The following RAB6A variants were observed in gnomAD, a reference collection of about 807,000 sequenced individuals.
RAB6A encodes RAB6A, member RAS oncogene family.
In RAB6A, 8 loss-of-function variants were observed where a neutral mutation model predicts 32.3. The observed-to-expected ratio is 0.25, with a 90% CI of 0.15 to 0.45. The LOEUF is 0.45. RAB6A is among the 20% of genes least tolerant of loss of function. RAB6A has a pLI of 1.00. For missense variants in RAB6A, 104 were observed against 249.4 expected, an observed-to-expected ratio of 0.42 and a Z score of 3.93; for synonymous variants, 73 against 82.1, an observed-to-expected ratio of 0.89 and a Z score of 0.60.
At chr11:73,682,020 G>A (rs1033419271) in intron 6 of RAB6A, among the ~76,000 whole-genome samples, 2 of 151,936 alleles carry the variant, frequency 1.3e-5, no homozygotes, top group Non-Finnish European at 2.9e-5. Context: ...TTTGAATTGC[G>A]GAACACTTAC....
At chr11:73,704,358 G>A in intron 6 of RAB6A, 1 of 201,336 alleles carries the variant, frequency 5.0e-6, no homozygotes, top group East Asian at 1.4e-4. Flanking sequence ...ACTCCAGCCT[G>A]GGCAACAGAG....
At chr11:73,752,966 G>C (rs188130498) in intron 1 of RAB6A, among the ~76,000 whole-genome samples, 6 of 152,322 alleles carry the variant, frequency 3.9e-5, no homozygotes, top group African/African-American at 1.4e-4. Context: ...CTAATAAAAA[G>C]TCCAAGCCAG....
At chr11:73,693,517 G>A (rs1945609384) in intron 6 of RAB6A, among the ~76,000 whole-genome samples, 1 of 150,448 alleles carries the variant, frequency 6.6e-6, no homozygotes, top group Non-Finnish European at 1.5e-5. Flanking sequence ...TGGAGTGTAG[G>A]AGTTTGAGAC....
chr11:73,755,895 G>GGAGGAGGAAGAA (rs1946743172), intron 1 of RAB6A, among the ~76,000 whole-genome samples: 1 of 151,318 alleles, frequency 6.6e-6, no homozygotes, highest in East Asian at 1.9e-4. Context: ...AGAAGGAAGA[G>GGAGGAGGAAGAA]GAGGAGGAAG....
At chr11:73,742,324 A>T (rs889207319) in intron 1 of RAB6A, among the ~76,000 whole-genome samples, 2 of 152,042 alleles carry the variant, frequency 1.3e-5, no homozygotes, top group African/African-American at 4.8e-5. Context: ...CAAAATAGAA[A>T]CAGGGTCTGG....
In RAB6A at chr11:73,716,343, T is replaced by C; in HGVS notation, c.309A>G (p.Gln103=). 4 of 1,612,722 alleles carry C rather than the reference T, an allele frequency of 2.5e-6. No homozygotes were observed. The South Asian group carries it at 3.3e-5, about 13-fold the overall frequency. Residue 103 remains glutamine (Q), a synonymous_variant, in exon 5 of 8, where the codon CAA becomes CAG. Coordinates refer to ENST00000336083, the MANE Select transcript of RAB6A (RefSeq NM_198896.2). ...YDITNVNSFQ[Q]TTKWIDDVRT... is the part of the protein sequence containing the mutation. ...TGACATCATCAATCCACTTTGTAGT[T>C]TGCTGGAATGAGTTAACATCTAGTA...
At position 73,694,947 on chromosome 11, in the gene RAB6A, T is replaced by C. The variant is rs192441566; in HGVS notation, c.495+12473A>G. On this transcript the variant is annotated intron_variant, in intron 6 of 7. Coordinates refer to ENST00000336083, the MANE Select transcript of RAB6A (RefSeq NM_198896.2). The stretch of plus-strand genomic sequence containing the variant: ...ACGAGAATCGCTTGAACCCAGGAGA[T>C]TGAGGTAACAGTGAGCTGAGATCGT... 4.9e-4 allele frequency among the ~76,000 whole-genome samples: 74 copies of C among 152,198 alleles called. 1 individual carries two copies. Among genetic ancestry groups the C allele is most frequent in the African/African-American group, 8.9e-4 (37 of 41,528 alleles).
At chr11:73,732,176 G>T (rs1461131962) in intron 1 of RAB6A, among the ~76,000 whole-genome samples, 1 of 152,048 alleles carries the variant, frequency 6.6e-6, no homozygotes, top group Non-Finnish European at 1.5e-5. Flanking sequence ...TTTGCCAGTG[G>T]CTTGACACAG....
chr11:73,679,970 C>T (rs968834641), intron 6 of RAB6A, among the ~76,000 whole-genome samples: 3 of 152,072 alleles, frequency 2.0e-5, no homozygotes, highest in Admixed American at 6.5e-5. Flanking sequence ...TGGTGGCACA[C>T]GCCTATAGTC....
chr11:73,734,905 GA>G (rs1393104673), intron 1 of RAB6A, among the ~76,000 whole-genome samples: 1 of 152,146 alleles, frequency 6.6e-6, no homozygotes, highest in Non-Finnish European at 1.5e-5. Flanking sequence ...TCAGATTTTA[GA>G]AAATTTGCAT....
chr11:73,708,907 AATT>A (rs1266738693), intron 5 of RAB6A, among the ~76,000 whole-genome samples: 12 of 152,226 alleles, frequency 7.9e-5, no homozygotes, highest in Admixed American at 7.9e-4. Context: ...GCCTACAAGA[AATT>A]ATTATTCTAG....
At chr11:73,753,092 T>G (rs1207040968) in intron 1 of RAB6A, among the ~76,000 whole-genome samples, 1 of 151,690 alleles carries the variant, frequency 6.6e-6, no homozygotes, top group Non-Finnish European at 1.5e-5. Context: ...CTAAAAAAAT[T>G]TTTTTTAATC....
intron 1 of RAB6A, among the ~76,000 whole-genome samples, chr11:73,736,391 T>C (rs564412227): frequency 8.5e-4 from 128 of 151,118 alleles, no homozygotes; most frequent in African/African-American, 2.9e-3. Context: ...ATTGTGCCAC[T>C]GCACTCCAGC....
intron 1 of RAB6A, among the ~76,000 whole-genome samples, chr11:73,743,593 G>A (rs1043367874): frequency 2.0e-5 from 3 of 151,702 alleles, no homozygotes; most frequent in African/African-American, 7.3e-5. Context: ...CTGCAGCCTG[G>A]GCAATATGGC....
chr11:73,719,728 G>A (rs1194052322), intron 3 of RAB6A, among the ~76,000 whole-genome samples: 6 of 151,248 alleles, frequency 4.0e-5, no homozygotes, highest in South Asian at 2.1e-4. Flanking sequence ...CGATTCTCCT[G>A]CCTCAGCCTC....
chr11:73,679,769 G>A (rs773707299), intron 6 of RAB6A, 49 bp from the exon 7 acceptor site: 2 of 1,607,442 alleles, frequency 1.2e-6, no homozygotes, highest in South Asian at 2.2e-5. Flanking sequence ...ATTTAGCAAA[G>A]GGTACTGAGG....
intron 5 of RAB6A, among the ~76,000 whole-genome samples, chr11:73,712,783 G>A (rs1029833794): frequency 4.1e-5 from 6 of 145,416 alleles, no homozygotes; most frequent in Non-Finnish European, 8.9e-5. Flanking sequence ...GCAGTGACAC[G>A]ATCTCAGATC....
chr11:73,756,713 G>C (rs1480304674), intron 1 of RAB6A, among the ~76,000 whole-genome samples: 4 of 152,172 alleles, frequency 2.6e-5, no homozygotes, highest in African/African-American at 4.8e-5. Context: ...GTCTCGCTCT[G>C]AGGCCCAGGC....
At chr11:73,692,163 G>A (rs1056738082) in intron 6 of RAB6A, among the ~76,000 whole-genome samples, 1 of 151,924 alleles carries the variant, frequency 6.6e-6, no homozygotes, top group Non-Finnish European at 1.5e-5. Flanking sequence ...AGAAAATCTG[G>A]CAATACTTAT....
Sources: gnomAD v4.1 joint callset for allele counts (sites outside exome capture counted in the v4.1 genomes callset) on GRCh38, gnomAD v4.1.1 for gene constraint, MANE v1.5 for transcripts, NCBI Gene and HGNC (gene_info 2026-07-23, HGNC 2026-07-21) for gene names.